The following CNTN5 variants were observed in gnomAD, a reference collection of about 807,000 sequenced individuals.
The protein encoded by CNTN5 is contactin 5.
CNTN5 carries 77 observed loss-of-function variants against 129.1 expected under a neutral mutation model. The ratio of observed to expected loss-of-function variants is 0.60; its 90% confidence interval spans 0.50 to 0.72. CNTN5 has a LOEUF of 0.72. Among genes scored for constraint, CNTN5 ranks in the 30% least tolerant of loss-of-function variants. The probability of loss-of-function intolerance (pLI) is 0.00; values close to 1 mark genes in which losing one functional copy is unlikely to be tolerated. For synonymous variants in CNTN5, 509 were observed against 465.6 expected (o/e 1.09, Z -1.20); for missense variants, 1,478 against 1,328.8 (o/e 1.11, Z -1.75).
chr11:99,359,838 AAGG>A (rs1938978104), intron 2 of CNTN5, among the ~76,000 whole-genome samples: 1 of 152,066 alleles, frequency 6.6e-6, no homozygotes, highest in Non-Finnish European at 1.5e-5. Flanking sequence ...TCTATTCCAA[AAGG>A]AGGAAATCAG....
chr11:99,736,266 G>A (rs928402900), intron 3 of CNTN5, among the ~76,000 whole-genome samples: 1 of 152,160 alleles, frequency 6.6e-6, no homozygotes, highest in African/African-American at 2.4e-5. Flanking sequence ...GCAGGGTGGG[G>A]TTAGCTAGGT....
chr11:99,527,910 C>G (rs911083200), intron 2 of CNTN5, among the ~76,000 whole-genome samples: 1 of 152,010 alleles, frequency 6.6e-6, no homozygotes. Flanking sequence ...AACAAAGCCC[C>G]GCAGAGAACA....
intron 3 of CNTN5, among the ~76,000 whole-genome samples, chr11:99,595,336 A>T (rs187383694): frequency 7.0e-6 from 1 of 142,760 alleles, no homozygotes; most frequent in Non-Finnish European, 1.5e-5. Flanking sequence ...ATGTACAATT[A>T]TTATGTGTCA....
chr11:99,441,900 T>C (rs544580011), intron 2 of CNTN5, among the ~76,000 whole-genome samples: 45 of 152,250 alleles, frequency 3.0e-4, no homozygotes, highest in African/African-American at 1.1e-3. Flanking sequence ...GTCCAGCCCA[T>C]CTGGACTATT....
chr11:99,873,777 G>T (rs1948564535), intron 6 of CNTN5, among the ~76,000 whole-genome samples: 1 of 152,052 alleles, frequency 6.6e-6, no homozygotes, highest in African/African-American at 2.4e-5. Context: ...TCATAGCACT[G>T]TTTACAATAG....
chr11:99,924,109 T>A (rs1950005460), intron 7 of CNTN5, among the ~76,000 whole-genome samples: 2 of 152,298 alleles, frequency 1.3e-5, no homozygotes, highest in South Asian at 4.1e-4. Context: ...TTTGTTTTAC[T>A]TTTTATTAAT....
intron 13 of CNTN5, among the ~76,000 whole-genome samples, chr11:100,186,859 C>T (rs1471576096): frequency 6.6e-6 from 1 of 152,060 alleles, no homozygotes; most frequent in Non-Finnish European, 1.5e-5. Context: ...ATTAAATTAT[C>T]TAAGTAATTA....
intron 1 of CNTN5, among the ~76,000 whole-genome samples, chr11:99,286,886 A>T (rs1401557918): frequency 2.0e-5 from 3 of 152,324 alleles, no homozygotes; most frequent in East Asian, 1.9e-4. Flanking sequence ...ACCACATTTT[A>T]AAAACTTGCA....
At chr11:99,342,942 TA>T (rs888581085) in intron 2 of CNTN5, among the ~76,000 whole-genome samples, 9 of 151,844 alleles carry the variant, frequency 5.9e-5, no homozygotes, top group Admixed American at 1.3e-4. Flanking sequence ...GTCATCAGAT[TA>T]AAAAAAACTG....
intron 13 of CNTN5, among the ~76,000 whole-genome samples, chr11:100,094,108 T>TA (rs942939178): frequency 2.6e-5 from 4 of 152,046 alleles, no homozygotes; most frequent in African/African-American, 7.2e-5. Flanking sequence ...TCTCTTGGGT[T>TA]AAAAAAATTA....
At chr11:100,123,538 C>T (rs1452262121) in intron 13 of CNTN5, among the ~76,000 whole-genome samples, 2 of 151,848 alleles carry the variant, frequency 1.3e-5, no homozygotes, top group Non-Finnish European at 2.9e-5. Context: ...GTCATTTTTG[C>T]TAATTTAAAA....
At chr11:100,087,513 A>G (rs968547995) in intron 13 of CNTN5, among the ~76,000 whole-genome samples, 4 of 151,908 alleles carry the variant, frequency 2.6e-5, no homozygotes, top group African/African-American at 9.7e-5. Context: ...TAAAAACACA[A>G]GCCAATCACC....
At chr11:100,035,547 C>A (rs545768119) in intron 9 of CNTN5, among the ~76,000 whole-genome samples, 23 of 144,968 alleles carry the variant, frequency 1.6e-4, no homozygotes. Flanking sequence ...AATCGCCACA[C>A]TGACTTCCAC....
chr11:99,163,105 C>T (rs1292988216), intron 1 of CNTN5, among the ~76,000 whole-genome samples: 1 of 152,094 alleles, frequency 6.6e-6, no homozygotes. Context: ...CACCTATTGA[C>T]CTCGCAGGTT....
chr11:99,318,939 C>A (rs1865453917), intron 1 of CNTN5, among the ~76,000 whole-genome samples: 1 of 152,166 alleles, frequency 6.6e-6, no homozygotes, highest in African/African-American at 2.4e-5. Flanking sequence ...TGAAAATCTG[C>A]AGTCTTATAC....
intron 2 of CNTN5, among the ~76,000 whole-genome samples, chr11:99,533,414 T>C (rs1947787149): frequency 6.6e-6 from 1 of 152,244 alleles, no homozygotes; most frequent in Admixed American, 6.5e-5. Flanking sequence ...TTTAATCCAT[T>C]TGTATTTTGA....
chr11:99,652,355 A>G (rs1372490089), intron 3 of CNTN5, among the ~76,000 whole-genome samples: 1 of 152,064 alleles, frequency 6.6e-6, no homozygotes, highest in Non-Finnish European at 1.5e-5. Flanking sequence ...ATAACATAAA[A>G]TAATGACACC....
In CNTN5 at chr11:99,594,433, T is replaced by C. The variant is rs1950066500; in HGVS notation, c.55+38164T>C. Among the ~76,000 whole-genome samples the C allele has an allele frequency of 2.6e-5, 4 of 152,192 alleles. No homozygotes were observed. In the South Asian group the frequency reaches 8.3e-4, roughly 31 times the overall value. On this transcript the variant is annotated intron_variant, in intron 3 of 24. Coordinates refer to ENST00000524871, the MANE Select transcript of CNTN5 (RefSeq NM_014361.4). The stretch of plus-strand genomic sequence containing the variant: ...CAGAAGGTAGTCTTGGTCTGTTTCT[T>C]TGCGTTTAGACCATTGTGTAAGCTC...
chr11:99,785,873 T>G (rs1945502584), intron 3 of CNTN5, among the ~76,000 whole-genome samples: 3 of 152,078 alleles, frequency 2.0e-5, no homozygotes, highest in Admixed American at 2.0e-4. Context: ...TAAGAGCTAT[T>G]TATGACAAAC....
Sources: gnomAD v4.1 joint callset for allele counts (sites outside exome capture counted in the v4.1 genomes callset) on GRCh38, gnomAD v4.1.1 for gene constraint, MANE v1.5 for transcripts, NCBI Gene and HGNC (gene_info 2026-07-23, HGNC 2026-07-21) for gene names.